TNS3: variants seen among roughly 807,000 people sequenced by gnomAD.
TNS3 encodes tensin-3.
In TNS3, 45 loss-of-function variants were observed where a neutral mutation model predicts 140.9. The ratio of observed to expected loss-of-function variants is 0.32; its 90% CI spans 0.25 to 0.41. The LOEUF (loss-of-function observed/expected upper bound fraction) is 0.41. Ranked by LOEUF, TNS3 falls within the 10% of genes least tolerant of loss-of-function variation. The pLI is 1.00. For missense variants in TNS3, 1,716 were observed against 1,906.7 expected (o/e 0.90, Z 1.86); for synonymous variants, 815 against 788.4 (o/e 1.03, Z -0.56).
chr7:47,353,992 A>AACACACACACACAC (rs10598998), intron 17 of TNS3, among the ~76,000 whole-genome samples: 7 of 143,492 alleles, frequency 4.9e-5, no homozygotes, highest in Admixed American at 6.9e-5. Flanking sequence ...CAGAGGACAA[A>AACACACACACACAC]ACACACACAC....
At chr7:47,326,956 C>T (rs929332401) in intron 20 of TNS3, among the ~76,000 whole-genome samples, 2 of 152,220 alleles carry the variant, frequency 1.3e-5, no homozygotes, top group Middle Eastern at 3.4e-3. Context: ...GTTTTCCCCT[C>T]GCTCCCTCTT....
In TNS3 at chr7:47,466,058, G is replaced by A. The variant is rs539722114; in HGVS notation, c.-76+15045C>T. Among the ~76,000 whole-genome samples, 7 of 152,258 alleles carry A rather than the reference G, an allele frequency of 4.6e-5. No homozygotes were observed. In the South Asian group the frequency reaches 1.5e-3, roughly 32 times the overall value. On this transcript the variant is annotated intron_variant, in intron 4 of 30. Coordinates refer to ENST00000311160, the MANE Select transcript of TNS3 (RefSeq NM_022748.12). ...ATCTAATTCATGTTCAAATTTCTCT[G>A]CCATACGTGTTTTGGGGTTGTTTGG...
At chr7:47,351,759 G>C (rs1789686513) in intron 17 of TNS3, among the ~76,000 whole-genome samples, 1 of 152,144 alleles carries the variant, frequency 6.6e-6, no homozygotes, top group Non-Finnish European at 1.5e-5. Context: ...GGGCACGGGT[G>C]CAACAGCGAG....
chr7:47,474,832 AC>A (rs2151757997), intron 4 of TNS3, among the ~76,000 whole-genome samples: 1 of 132,494 alleles, frequency 7.5e-6, no homozygotes, highest in Non-Finnish European at 1.6e-5. Flanking sequence ...AACACACACG[AC>A]AGACACACCT....
chr7:47,426,029 A>G (rs1482756489), intron 9 of TNS3, among the ~76,000 whole-genome samples: 1 of 152,096 alleles, frequency 6.6e-6, no homozygotes, highest in Non-Finnish European at 1.5e-5. Context: ...TACAAAAAAA[A>G]AACACACACT....
chr7:47,354,686 C>T (rs961922754), intron 17 of TNS3, among the ~76,000 whole-genome samples: 4 of 152,122 alleles, frequency 2.6e-5, no homozygotes, highest in African/African-American at 9.7e-5. Flanking sequence ...CCCCTTGAAA[C>T]CCCCAGTGAA....
chr7:47,428,820 T>G (rs919807299), intron 8 of TNS3, among the ~76,000 whole-genome samples: 2 of 152,234 alleles, frequency 1.3e-5, no homozygotes, highest in Non-Finnish European at 2.9e-5. Flanking sequence ...TCCAGCTTAC[T>G]GGCAGCACTG....
Position 47,423,978 on chromosome 7 carries a change from G to T in TNS3, c.473+123C>A, listed in dbSNP as rs951947585. 14 of 975,946 alleles carry T rather than the reference G, an allele frequency of 1.4e-5. No individual in the cohort carries two copies. In the African/African-American group the frequency reaches 2.1e-4, roughly 15 times the overall value. The allele number at this position is 975,946 out of a possible 1,614,324, so 60.5% of individuals were successfully genotyped here. The stretch of plus-strand genomic sequence containing the variant: ...CTCCCCACCACCTTCACAGTCTTTG[G>T]CATGACCCAAGAATACTATTCATTT... On this transcript the variant is annotated intron_variant, in intron 10 of 30. Transcript: ENST00000311160.
chr7:47,478,062 C>G (rs751185242), intron 4 of TNS3, among the ~76,000 whole-genome samples: 3 of 152,160 alleles, frequency 2.0e-5, no homozygotes, highest in Non-Finnish European at 4.4e-5. Flanking sequence ...TCTCATGACC[C>G]CACACCACCA....
At chr7:47,460,212 CA>C (rs10526565) in intron 4 of TNS3, among the ~76,000 whole-genome samples, 2,570 of 113,902 alleles carry the variant, frequency 0.023, 5 homozygotes, top group African/African-American at 0.031. Flanking sequence ...GACTCTGTCC[CA>C]AAAAAAAAAA....
intron 3 of TNS3, among the ~76,000 whole-genome samples, chr7:47,486,386 G>T (rs1157794608): frequency 6.6e-6 from 1 of 152,102 alleles, no homozygotes; most frequent in Non-Finnish European, 1.5e-5. Flanking sequence ...GTGTCTCCGT[G>T]TGTGAGTGTA....
intron 4 of TNS3, among the ~76,000 whole-genome samples, chr7:47,465,622 A>C (rs1314417784): frequency 6.6e-6 from 1 of 152,176 alleles, no homozygotes; most frequent in Non-Finnish European, 1.5e-5. Context: ...TAAATATCTC[A>C]GTACATATCT....
At chr7:47,480,634 AT>A (rs1488960647) in intron 4 of TNS3, among the ~76,000 whole-genome samples, 1 of 151,980 alleles carries the variant, frequency 6.6e-6, no homozygotes, top group East Asian at 1.9e-4. Flanking sequence ...AGAAAGTGCT[AT>A]TGTGTTTACC....
At chr7:47,390,876 G>A (rs1792472946) in intron 16 of TNS3, among the ~76,000 whole-genome samples, 1 of 152,148 alleles carries the variant, frequency 6.6e-6, no homozygotes, top group South Asian at 2.1e-4. Context: ...GAGTCCAGAA[G>A]CCCATTCTCT....
chr7:47,421,716 T>G (rs1459787534), intron 10 of TNS3, among the ~76,000 whole-genome samples: 2 of 152,204 alleles, frequency 1.3e-5, no homozygotes, highest in Non-Finnish European at 2.9e-5. Context: ...TTCTCATGAT[T>G]TGCTGAAGAC....
At chr7:47,412,320 A>T (rs834608) in intron 12 of TNS3, among the ~76,000 whole-genome samples, 60,591 of 152,176 alleles carry the variant, frequency 0.4, 12,220 homozygotes, top group Non-Finnish European at 0.42. Context: ...GTGGCTACGT[A>T]TTGTTTAAAA....
chr7:47,397,469 T>C (rs1177394309), intron 15 of TNS3, among the ~76,000 whole-genome samples: 2 of 152,200 alleles, frequency 1.3e-5, no homozygotes. Flanking sequence ...CAATTCACCT[T>C]GATGATAAAG....
At chr7:47,510,412 A>C (rs1033609544) in intron 2 of TNS3, among the ~76,000 whole-genome samples, 1 of 152,130 alleles carries the variant, frequency 6.6e-6, no homozygotes, top group African/African-American at 2.4e-5. Flanking sequence ...TGGCAGCTAA[A>C]CTAGCCACCT....
rs1222910962 is a variant in TNS3 at position 47,303,209 on chromosome 7, C to T, written c.3198G>A (p.Leu1066=). The T allele has an allele frequency of 1.9e-6, 3 of 1,613,624 alleles. No homozygotes were observed. The highest frequency in any genetic ancestry group is 2.5e-6 in the Non-Finnish European group (3 of 1,180,024). Residue 1066 remains leucine (L), a synonymous_variant, in exon 22 of 31, where the codon CTG becomes CTA. Transcript: ENST00000311160. ...TATGAADNGF[L]SHNFLTVAPG... is the part of the protein sequence containing the mutation. ...GCGCCACCGTGAGAAAGTTGTGGGACAGGAAGCCATTGTCGGCAGCCCCTG... is the reference window on the plus strand; with the variant it reads ...GCGCCACCGTGAGAAAGTTGTGGGATAGGAAGCCATTGTCGGCAGCCCCTG...
Sources: gnomAD v4.1 joint callset for allele counts (sites outside exome capture counted in the v4.1 genomes callset) on GRCh38, gnomAD v4.1.1 for gene constraint, MANE v1.5 for transcripts, NCBI Gene and HGNC (gene_info 2026-07-23, HGNC 2026-07-21) for gene names.